Variants in TNKS observed in about 807,000 individuals in gnomAD.
TNKS encodes poly [ADP-ribose] polymerase tankyrase-1.
In TNKS, 72 loss-of-function variants were observed where a neutral mutation model predicts 135.8. That is an observed-to-expected ratio of 0.53 (90% CI 0.44 to 0.64). The LOEUF (loss-of-function observed/expected upper bound fraction) is 0.64. Ranked by LOEUF, TNKS falls within the 30% of genes least tolerant of loss-of-function variation. TNKS has a pLI of 0.00. For missense variants in TNKS, 1,769 were observed against 1,674.0 expected (o/e 1.06, Z -0.99); for synonymous variants, 849 against 649.3 (o/e 1.31, Z -4.68).
intron 3 of TNKS, among the ~76,000 whole-genome samples, chr8:9,627,575 G>GCTTGCTTT (rs1182622096): frequency 6.6e-6 from 1 of 152,012 alleles, no homozygotes; most frequent in Non-Finnish European, 1.5e-5. Context: ...TTGCTTGCTT[G>GCTTGCTTT]CTTGCTTGCT....
chr8:9,743,324 A>G (rs919427120), intron 17 of TNKS: 5 of 152,150 alleles, frequency 3.3e-5, no homozygotes, highest in African/African-American at 1.2e-4. Context: ...TAGTCTAGCA[A>G]ACTCTGCAGG....
chr8:9,772,831 CTGTGTGTG>C (rs71201974), intron 26 of TNKS, among the ~76,000 whole-genome samples: 1,871 of 119,104 alleles, frequency 0.016, 23 homozygotes, highest in Middle Eastern at 0.081. Flanking sequence ...GTGTGTGTGT[CTGTGTGTG>C]TGTGTGTGTG....
chr8:9,659,977 G>A (rs1164042418), intron 3 of TNKS, among the ~76,000 whole-genome samples: 2 of 152,158 alleles, frequency 1.3e-5, no homozygotes, highest in Non-Finnish European at 2.9e-5. Context: ...AAATAAACTA[G>A]AAAATCTAGA....
intron 3 of TNKS, among the ~76,000 whole-genome samples, chr8:9,648,167 C>T (rs1800987199): frequency 6.6e-6 from 1 of 152,114 alleles, no homozygotes; most frequent in African/African-American, 2.4e-5. Context: ...TTGTACACTA[C>T]TATAGACTTC....
chr8:9,678,991 T>C (rs546505735), intron 3 of TNKS, among the ~76,000 whole-genome samples: 1 of 152,294 alleles, frequency 6.6e-6, no homozygotes, highest in South Asian at 2.1e-4. Context: ...ACAAACACTG[T>C]ATTATTAACA....
intron 20 of TNKS, among the ~76,000 whole-genome samples, chr8:9,761,192 C>T (rs1331761101): frequency 6.6e-6 from 1 of 152,220 alleles, no homozygotes; most frequent in East Asian, 1.9e-4. Flanking sequence ...ACTGATTCCT[C>T]CTCTATCTTG....
At chr8:9,640,227 G>A (rs979489691) in intron 3 of TNKS, among the ~76,000 whole-genome samples, 8 of 152,150 alleles carry the variant, frequency 5.3e-5, no homozygotes, top group Admixed American at 1.3e-4. Flanking sequence ...AAATTTGGAG[G>A]CTGGGAAGTC....
At chr8:9,575,472 A>G in intron 1 of TNKS, 5 of 961,696 alleles carry the variant, frequency 5.2e-6, no homozygotes, top group Non-Finnish European at 6.2e-6. Context: ...AAACTGACCA[A>G]CCAAAAAGAA....
chr8:9,709,825 A>G, intron 9 of TNKS, 130 bp from the exon 10 acceptor site: 1 of 693,016 alleles, frequency 1.4e-6, no homozygotes. Flanking sequence ...TCTGTGATAT[A>G]AAACATATAC....
intron 1 of TNKS, among the ~76,000 whole-genome samples, chr8:9,579,846 G>C (rs1308306058): frequency 6.6e-6 from 1 of 152,184 alleles, no homozygotes; most frequent in African/African-American, 2.4e-5. Flanking sequence ...TGAAGCCTGA[G>C]GGGAAAGTGA....
intron 1 of TNKS, among the ~76,000 whole-genome samples, chr8:9,571,649 G>A (rs1418511120): frequency 2.0e-5 from 3 of 152,078 alleles, no homozygotes; most frequent in African/African-American, 7.2e-5. Context: ...AGTAGAGACG[G>A]GGTTTCACCG....
At chr8:9,757,222 G>T (rs572657838) in intron 20 of TNKS, among the ~76,000 whole-genome samples, 4 of 152,034 alleles carry the variant, frequency 2.6e-5, no homozygotes, top group Non-Finnish European at 5.9e-5. Context: ...TGATCTGCCC[G>T]CCTTGGCCTC....
At chr8:9,693,800 C>T (rs1803387551) in intron 5 of TNKS, among the ~76,000 whole-genome samples, 1 of 152,170 alleles carries the variant, frequency 6.6e-6, no homozygotes, top group African/African-American at 2.4e-5. Context: ...TACAATATGT[C>T]ACCTGATAGC....
At chr8:9,732,895 C>G (rs1199098865) in intron 14 of TNKS, among the ~76,000 whole-genome samples, 1 of 152,140 alleles carries the variant, frequency 6.6e-6, no homozygotes, top group African/African-American at 2.4e-5. Flanking sequence ...TATGATTAAA[C>G]CACTATGATT....
intron 2 of TNKS, among the ~76,000 whole-genome samples, chr8:9,598,438 G>T (rs978648805): frequency 8.5e-5 from 13 of 152,066 alleles, no homozygotes; most frequent in Admixed American, 5.9e-4. Context: ...TTCCTTGGGA[G>T]GGAGGATGTT....
intron 26 of TNKS, among the ~76,000 whole-genome samples, chr8:9,771,493 TAAAGG>T (rs1173733459): frequency 1.1e-4 from 8 of 73,728 alleles, no homozygotes; most frequent in African/African-American, 4.6e-4. Flanking sequence ...GGGAAAGAGA[TAAAGG>T]GAAGGAAAGA....
chr8:9,647,952 G>A (rs1457151915), intron 3 of TNKS, among the ~76,000 whole-genome samples: 2 of 152,174 alleles, frequency 1.3e-5, no homozygotes, highest in Admixed American at 1.3e-4. Flanking sequence ...TTACTCCACT[G>A]AATACTGTAG....
At chr8:9,705,002 T>G (rs750805265) in intron 6 of TNKS, among the ~76,000 whole-genome samples, 11 of 152,198 alleles carry the variant, frequency 7.2e-5, no homozygotes, top group Non-Finnish European at 1.6e-4. Context: ...AAATTGTGTC[T>G]CAGTTGCAGT....
intron 1 of TNKS, among the ~76,000 whole-genome samples, chr8:9,567,885 A>G (rs548638206): frequency 6.6e-6 from 1 of 152,320 alleles, no homozygotes; most frequent in East Asian, 1.9e-4. Context: ...TGAACTCTAC[A>G]TTTAAAAATG....
Sources: allele counts gnomAD v4.1 joint callset (sites outside exome capture counted in the v4.1 genomes callset), GRCh38; gene constraint gnomAD v4.1.1; transcripts MANE v1.5; gene names NCBI Gene and HGNC (gene_info 2026-07-23, HGNC 2026-07-21).